FAT1: variants seen among roughly 807,000 people sequenced by gnomAD.
FAT1 encodes protocadherin Fat 1.
FAT1 carries 171 observed loss-of-function variants against 329.8 expected under a neutral mutation model. The observed-to-expected ratio is 0.52, with a 90% CI of 0.46 to 0.59. FAT1 has a LOEUF of 0.59. Among genes scored for constraint, FAT1 ranks in the 20% least tolerant of loss-of-function variants. FAT1 has a pLI of 0.00. For synonymous variants in FAT1, 2,233 were observed against 2,228.6 expected (o/e 1.00, Z -0.06); for missense variants, 5,672 against 5,774.4 (o/e 0.98, Z 0.57).
intron 4 of FAT1, among the ~76,000 whole-genome samples, chr4:186,639,213 C>G (rs961854706): frequency 2.0e-5 from 3 of 152,168 alleles, no homozygotes; most frequent in Non-Finnish European, 4.4e-5. Flanking sequence ...ATTTAAGAAG[C>G]ACAAACTAAG....
At chr4:186,722,605 A>T (rs1014593284) in intron 1 of FAT1, among the ~76,000 whole-genome samples, 2 of 152,228 alleles carry the variant, frequency 1.3e-5, no homozygotes, top group African/African-American at 4.8e-5. Flanking sequence ...CCCTGTAACA[A>T]CTGGATGTGT....
chr4:186,719,677 G>A (rs749160245), intron 1 of FAT1, among the ~76,000 whole-genome samples: 2 of 152,158 alleles, frequency 1.3e-5, no homozygotes, highest in Non-Finnish European at 2.9e-5. Flanking sequence ...TAATCCTTTC[G>A]ACTCTATGTA....
At position 186,654,318 on chromosome 4, in the gene FAT1, T is replaced by C. The variant is rs577844483; in HGVS notation, c.3580+8981A>G. On this transcript the variant is annotated intron_variant, in intron 3 of 26. Transcript: ENST00000441802. ...TGAGACACACTTGTCAATGTTCCTC[T>C]GACTCCTAACGAAAGTTCTGTTCCA... Among the ~76,000 whole-genome samples, 106 of 152,352 alleles carry C rather than the reference T, an allele frequency of 7.0e-4. 1 individual carries two copies. The highest frequency in any genetic ancestry group is 5.9e-3 in the Admixed American group (91 of 15,312).
chr4:186,721,320 C>T (rs1164103404), intron 1 of FAT1, among the ~76,000 whole-genome samples: 5 of 152,154 alleles, frequency 3.3e-5, no homozygotes, highest in African/African-American at 1.2e-4. Flanking sequence ...TGAAAAGTTC[C>T]CCTCAGGTAT....
At chr4:186,599,795 T>C (rs1738707888) in intron 22 of FAT1, 103 bp downstream of exon 22, 2 of 912,810 alleles carry the variant, frequency 2.2e-6, no homozygotes, top group Non-Finnish European at 3.3e-6. Flanking sequence ...TCTGACAAAA[T>C]TATCTGAATC....
At chr4:186,628,877 A>G (rs1740453091) in intron 7 of FAT1, 114 bp from the exon 8 acceptor site, 2 of 1,072,482 alleles carry the variant, frequency 1.9e-6, no homozygotes, top group Non-Finnish European at 2.6e-6. Flanking sequence ...GCAAAATAAA[A>G]TACGAGAAAG....
chr4:186,673,874 A>G (rs1199746017), intron 2 of FAT1, among the ~76,000 whole-genome samples: 1 of 152,018 alleles, frequency 6.6e-6, no homozygotes, highest in African/African-American at 2.4e-5. Flanking sequence ...AGAATCACTG[A>G]TATTGTCAAT....
intron 12 of FAT1, 120 bp from the exon 13 acceptor site, chr4:186,613,462 G>A: frequency 1.4e-6 from 1 of 735,720 alleles, no homozygotes; most frequent in Non-Finnish European, 2.3e-6. Flanking sequence ...CCTTCCTCTT[G>A]AGACCAGTAT....
intron 2 of FAT1, among the ~76,000 whole-genome samples, chr4:186,697,425 C>T (rs1744089848): frequency 3.3e-5 from 5 of 152,158 alleles, no homozygotes; most frequent in African/African-American, 4.8e-5. Flanking sequence ...CCATGCTCTC[C>T]GAGGGATGAT....
intron 2 of FAT1, among the ~76,000 whole-genome samples, chr4:186,673,985 A>C (rs886842518): frequency 6.6e-6 from 1 of 152,232 alleles, no homozygotes; most frequent in African/African-American, 2.4e-5. Flanking sequence ...TACATCCACA[A>C]GACAGCCTTC....
rs1225359663 is a variant in FAT1, at chr4:186,621,113, T to G, written c.5473A>C (p.Ser1825Arg). 1 of 1,613,814 alleles carries G rather than the reference T, an allele frequency of 6.2e-7. No homozygotes were observed. Among genetic ancestry groups the G allele is most frequent in the Non-Finnish European group, 8.5e-7 (1 of 1,179,896 alleles). Residue 1825 changes from serine to arginine, a missense_variant, in exon 10 of 27, where the codon AGC becomes CGC. Physicochemically the swap from Ser to Arg is moderately radical, Grantham distance 110. Transcript: ENST00000441802. ...AGTACTGTATGAATAGCACCAGTGCTAGAATCAATAGCAAAATATGTGTGT... is the reference window on the plus strand; with the variant it reads ...AGTACTGTATGAATAGCACCAGTGCGAGAATCAATAGCAAAATATGTGTGT... ...SVHTYFAIDS[S>R]TGAIHTVLSL... is the part of the protein sequence containing the mutation.
rs779906902 is a variant in FAT1 at position 186,617,872 on chromosome 4, T to A, written c.8714A>T (p.Asp2905Val). ...ATCGTTGACATCGGTGACGGTAACA[T>A]CCACAATGGCTGTGGAGGATAGCTG... ...KIQLSSTAIV[D>V]VTVTDVNDSP... The change falls in exon 10 of 27, where the codon GAT becomes GTT. Residue 2905 changes from aspartate (D) to valine (V), a missense_variant. By Grantham distance (152) the Asp-to-Val change is radical. This residue lies in a region of FAT1 where 3,966 missense variants were observed against 3,915.2 expected (regional missense o/e 1.01). Transcript: ENST00000441802. The A allele has an allele frequency of 6.2e-7, 1 of 1,613,980 alleles. No homozygotes were observed. The highest frequency in any genetic ancestry group is 1.3e-5 in the African/African-American group (1 of 75,020).
chr4:186,617,284 G>A (rs1224167585), intron 10 of FAT1, 83 bp from the exon 11 acceptor site: 1 of 945,136 alleles, frequency 1.1e-6, no homozygotes, highest in African/African-American at 1.7e-5. Flanking sequence ...CTGTACAAAA[G>A]ATGTATAATG....
In FAT1 at chr4:186,596,598, T is replaced by TGAAG; in HGVS notation, c.12938_12941dup (p.Asn4315PhefsTer6). On this transcript the variant is annotated frameshift_variant, in exon 25 of 27. Transcript: ENST00000441802. LOFTEE classifies it high-confidence loss of function. The surrounding 1 kb of genome is among the most constrained non-coding windows in gnomAD (Gnocchi z 4.7). ...TGGAGTCGCTGTCAGAAGGGGAGTT[T>TGAAG]GAAGGGGGTGGGGGAGGCAGGTTTG... is the stretch of plus-strand genomic sequence containing the variant. 1 of 1,612,744 alleles carries TGAAG rather than the reference T, an allele frequency of 6.2e-7. No individual in the cohort carries two copies. Among genetic ancestry groups the TGAAG allele is most frequent in the Non-Finnish European group, 8.5e-7 (1 of 1,179,488 alleles).
At chr4:186,623,772 C>T (rs1299137555) in intron 9 of FAT1, among the ~76,000 whole-genome samples, 4 of 152,184 alleles carry the variant, frequency 2.6e-5, no homozygotes, top group South Asian at 2.1e-4. Flanking sequence ...AGTCTCCTCC[C>T]GCTATTCTTA....
Position 186,619,225 on chromosome 4 carries a change from C to A in FAT1, c.7361G>T (p.Arg2454Leu), listed in dbSNP as rs375070972. 1 of 1,613,918 alleles carries A rather than the reference C, an allele frequency of 6.2e-7. No individual in the cohort carries two copies. Among genetic ancestry groups the A allele is most frequent in the South Asian group, 1.1e-5 (1 of 91,076 alleles). The stretch of plus-strand genomic sequence containing the variant: ...ACTGTAAAATGGCTTCAGGGCGTGC[C>A]GGTGCAGGTTTGAGAGGGTGATAAT... The part of the protein sequence containing the change: ...TGIITLSNLH[R>L]HALKPFYSLN... The change falls in exon 10 of 27, where the codon CGG becomes CTG. Residue 2454 changes from arginine to leucine, a missense_variant. Physicochemically the swap from Arg to Leu is moderately radical, Grantham distance 102 (BLOSUM62 -2). Coordinates refer to ENST00000441802, the MANE Select transcript of FAT1 (RefSeq NM_005245.4).
chr4:186,659,576 C>T (rs763084938), intron 3 of FAT1, among the ~76,000 whole-genome samples: 10 of 151,990 alleles, frequency 6.6e-5, no homozygotes, highest in Non-Finnish European at 1.0e-4. Flanking sequence ...GTCCCCTGAA[C>T]GACGCTGGGC....
intron 9 of FAT1, 94 bp downstream of exon 9, chr4:186,628,060 G>C: frequency 7.5e-7 from 1 of 1,340,598 alleles, no homozygotes; most frequent in Non-Finnish European, 1.0e-6. Context: ...CAGATACATA[G>C]AAATGCTTCA....
chr4:186,624,529 T>C (rs1740203296), intron 9 of FAT1, among the ~76,000 whole-genome samples: 1 of 152,226 alleles, frequency 6.6e-6, no homozygotes, highest in South Asian at 2.1e-4. Context: ...AATAATCTAC[T>C]TTTTTAAAAA....
Sources: allele counts gnomAD v4.1 joint callset (sites outside exome capture counted in the v4.1 genomes callset), GRCh38; gene constraint gnomAD v4.1.1; regional missense constraint gnomAD v4.1.1; non-coding constraint Gnocchi (gnomAD v3.1); transcripts MANE v1.5; gene names NCBI Gene and HGNC (gene_info 2026-07-23, HGNC 2026-07-21).